ECM2: variants seen among roughly 807,000 people sequenced by gnomAD.
ECM2 encodes extracellular matrix protein 2, female organ and adipocyte specific.
Under a neutral mutation model 67.5 loss-of-function variants are expected in ECM2, and 57 were observed. The ratio of observed to expected loss-of-function variants is 0.84; its 90% CI spans 0.68 to 1.05. The LOEUF is 1.05. Among genes scored for constraint, ECM2 ranks in the 50% least tolerant of loss-of-function variants. ECM2 has a pLI of 0.00. For synonymous variants in ECM2, 258 were observed against 294.5 expected, an observed-to-expected ratio of 0.88 and a Z score of 1.27; for missense variants, 741 against 822.8, an observed-to-expected ratio of 0.90 and a Z score of 1.22.
In ECM2 at chr9:92,511,995, CAG is replaced by C; in HGVS notation, c.1170+14_1170+15del. 1.3e-6 allele frequency: 2 copies of C among 1,573,994 alleles called. No homozygotes were observed. Among genetic ancestry groups the C allele is most frequent in the Non-Finnish European group, 1.7e-6 (2 of 1,151,034 alleles). On this transcript the variant is annotated intron_variant, in intron 5 of 9. Coordinates refer to ENST00000344604, the MANE Select transcript of ECM2 (RefSeq NM_001393.4). The stretch of plus-strand genomic sequence containing the variant: ...AAGCCATTCATCCAAATAGACAAAT[CAG>C]AGCATGTATTTACCTTGAATGCTTT...
chr9:92,554,020 T>C, the ECM2 span, among the ~76,000 whole-genome samples: 1 of 152,154 alleles, frequency 6.6e-6, no homozygotes, highest in Admixed American at 6.5e-5. Flanking sequence ...CTTTTCCCCA[T>C]TCAGTATTAT....
intron 8 of ECM2, among the ~76,000 whole-genome samples, chr9:92,502,220 T>A (rs891851310): frequency 2.0e-5 from 3 of 152,150 alleles, no homozygotes; most frequent in African/African-American, 7.2e-5. Flanking sequence ...GGGGCTCAGT[T>A]CTTGCTAGCT....
chr9:92,550,263 G>A, the ECM2 span, among the ~76,000 whole-genome samples: 1 of 152,134 alleles, frequency 6.6e-6, no homozygotes, highest in African/African-American at 2.4e-5. Flanking sequence ...GGGTGTGGTG[G>A]TGCGTGCCTG....
intron 1 of ECM2, among the ~76,000 whole-genome samples, chr9:92,535,093 T>A (rs113655600): frequency 6.7e-6 from 1 of 149,958 alleles, no homozygotes; most frequent in Admixed American, 6.7e-5. Flanking sequence ...TACCTCTCTT[T>A]CTTTTTTTCC....
At chr9:92,545,405 G>A in the ECM2 span, among the ~76,000 whole-genome samples, 3 of 152,212 alleles carry the variant, frequency 2.0e-5, no homozygotes, top group African/African-American at 7.2e-5. Context: ...CAGCAGCTGC[G>A]GAGGGTGCGT....
rs780638094 is a variant in ECM2 at position 92,500,857 on chromosome 9, C to T, written c.1801G>A (p.Val601Ile). The change falls in exon 9 of 10, where the codon GTC becomes ATC. Residue 601 changes from valine to isoleucine, a missense_variant. By Grantham distance (29) the Val-to-Ile change is conservative. Coordinates refer to ENST00000344604, the MANE Select transcript of ECM2 (RefSeq NM_001393.4). ...GAATGATATGCCCCATAGAAGGAGA[C>T]ACGGTCCATGCCATCATCAGCAAGT... is the stretch of plus-strand genomic sequence containing the variant. Reference protein sequence around the residue: ...NKLADDGMDRVSFYGAYHSLR... With the variant: ...NKLADDGMDRISFYGAYHSLR... 1 of 1,614,158 alleles carries T rather than the reference C, an allele frequency of 6.2e-7. No homozygotes were observed. Among genetic ancestry groups the T allele is most frequent in the Admixed American group, 1.7e-5 (1 of 60,022 alleles).
At chr9:92,516,496 T>C (rs1847731903) in intron 3 of ECM2, among the ~76,000 whole-genome samples, 1 of 152,246 alleles carries the variant, frequency 6.6e-6, no homozygotes, top group Non-Finnish European at 1.5e-5. Context: ...TTACTTGAGA[T>C]ATCAATTCAG....
intron 4 of ECM2, among the ~76,000 whole-genome samples, chr9:92,512,568 C>T (rs180724764): frequency 1.6e-3 from 246 of 152,354 alleles, no homozygotes; most frequent in African/African-American, 5.7e-3. Flanking sequence ...TCACTCACCT[C>T]CTCTGAGCCT....
chr9:92,496,110 A>C lies in ECM2; in HGVS notation c.*205T>G, dbSNP rs988583829. 1 of 1,200,590 alleles carries C rather than the reference A, an allele frequency of 8.3e-7. No individual in the cohort carries two copies. Among genetic ancestry groups the C allele is most frequent in the African/African-American group, 1.6e-5 (1 of 62,438 alleles). The allele number at this position is 1,200,590 out of a possible 1,614,324, so 74.4% of individuals were successfully genotyped here. A position where few individuals can be genotyped will look rare whatever the true frequency, so the allele number is the denominator to read the frequency against. ...CTTTCTAGAGGTAGGAAACTGAGAG[A>C]TTTTACCTTTACTATTAATAAAACT... On this transcript the variant is annotated 3_prime_UTR_variant, in exon 10 of 10. Coordinates refer to ENST00000344604, the MANE Select transcript of ECM2 (RefSeq NM_001393.4).
the ECM2 span, among the ~76,000 whole-genome samples, chr9:92,552,000 A>G: frequency 7.1e-6 from 1 of 140,152 alleles, no homozygotes; most frequent in African/African-American, 2.6e-5. Context: ...TGTGATATAT[A>G]TGTGTATATA....
chr9:92,494,061 T>G, downstream of ECM2: 1 of 1,595,798 alleles, frequency 6.3e-7, no homozygotes, highest in Non-Finnish European at 8.5e-7. Flanking sequence ...TACTTGTCTG[T>G]TTGATTTCCT....
chr9:92,500,124 T>C (rs1300268980), intron 9 of ECM2, among the ~76,000 whole-genome samples: 3 of 152,230 alleles, frequency 2.0e-5, no homozygotes, highest in Non-Finnish European at 4.4e-5. Context: ...TAACATAATC[T>C]ATTGCTTTGA....
rs745925537 is a variant in ECM2 at position 92,502,570 on chromosome 9, A to G, written c.1547T>C (p.Leu516Pro). 1.4e-5 allele frequency: 23 copies of G among 1,612,346 alleles called. No homozygotes were observed. Among genetic ancestry groups the G allele is most frequent in the South Asian group, 2.2e-5 (2 of 90,856 alleles). The stretch of plus-strand genomic sequence containing the variant: ...ATTTTCTTCAATTTTGTTATAACGT[A>G]GTACAATGACATTGATCTTTCTGGT... The part of the protein sequence containing the change: ...NHTRKINVIV[L>P]RYNKIEENRI... The change falls in exon 8 of 10, where the codon CTA becomes CCA. Residue 516 changes from leucine to proline, a missense_variant. Coordinates refer to ENST00000344604, the MANE Select transcript of ECM2 (RefSeq NM_001393.4).
rs1486477304 is a variant in ECM2 at position 92,505,573 on chromosome 9, T to G, written c.1424A>C (p.Lys475Thr). Reference sequence around the variant, plus strand: ...AAGACCCTGCGGTATAATTCTAAATTTATTTTTTCCCAGACGCAAGTAGGC... The same window carrying G: ...AAGACCCTGCGGTATAATTCTAAATGTATTTTTTCCCAGACGCAAGTAGGC... ...SLAYLRLGKNKFRIIPQGLPG... is the reference protein window; with the variant it reads ...SLAYLRLGKNTFRIIPQGLPG... Residue 475 changes from lysine to threonine, a missense_variant, in exon 7 of 10, where the codon AAA (lysine) becomes ACA (threonine). Coordinates refer to ENST00000344604, the MANE Select transcript of ECM2 (RefSeq NM_001393.4). 1.2e-6 allele frequency: 2 copies of G among 1,607,728 alleles called. No individual in the cohort carries two copies. Among genetic ancestry groups the G allele is most frequent in the South Asian group, 2.3e-5 (2 of 88,662 alleles).
chr9:92,517,682 T>C lies in ECM2; in HGVS notation c.481+5A>G, dbSNP rs1847811018. ...CTGATATTTTGCTTAGCTAAATCTC[T>C]GTACCAGTAGCGGAGCAGACCGGGC... On this transcript the variant is annotated splice_donor_5th_base_variant and intron_variant, in intron 3 of 9. Transcript: ENST00000344604. The C allele has an allele frequency of 6.2e-7, 1 of 1,614,168 alleles. No individual in the cohort carries two copies. The highest frequency in any genetic ancestry group is 1.3e-5 in the African/African-American group (1 of 75,052).
the ECM2 span, among the ~76,000 whole-genome samples, chr9:92,546,711 C>T: frequency 6.6e-6 from 1 of 152,106 alleles, no homozygotes; most frequent in Non-Finnish European, 1.5e-5. Flanking sequence ...TCAGTGAGAC[C>T]AAGAACCCAG....
chr9:92,509,799 T>C (rs996628443), intron 6 of ECM2, 100 bp downstream of exon 6: 13 of 1,258,068 alleles, frequency 1.0e-5, no homozygotes, highest in Non-Finnish European at 1.3e-5. Context: ...TAAAAATATT[T>C]ACTATTTATT....
chr9:92,516,221 T>C (rs1411588708), intron 3 of ECM2, among the ~76,000 whole-genome samples: 1 of 151,938 alleles, frequency 6.6e-6, no homozygotes, highest in Non-Finnish European at 1.5e-5. Flanking sequence ...CCCACCACCA[T>C]GCCAGGCTAA....
the ECM2 span, among the ~76,000 whole-genome samples, chr9:92,552,144 A>T: frequency 7.0e-6 from 1 of 142,670 alleles, no homozygotes; most frequent in South Asian, 2.2e-4. Flanking sequence ...TATATATGTG[A>T]TATGATAGAT....
Sources: allele counts gnomAD v4.1 joint callset (sites outside exome capture counted in the v4.1 genomes callset), GRCh38; gene constraint gnomAD v4.1.1; transcripts MANE v1.5; gene names NCBI Gene and HGNC (gene_info 2026-07-23, HGNC 2026-07-21).